Variants in IFT172 observed in about 807,000 individuals in gnomAD.
The protein encoded by IFT172 is intraflagellar transport protein 172 homolog.
A neutral mutation model predicts 248.9 loss-of-function variants in IFT172; 164 were observed. The observed-to-expected ratio is 0.66, with a 90% CI of 0.58 to 0.75. IFT172 has a LOEUF of 0.75. Among genes scored for constraint, IFT172 ranks in the 30% least tolerant of loss-of-function variants. The probability of loss-of-function intolerance (pLI) is 0.00; values close to 1 mark genes in which losing one functional copy is unlikely to be tolerated. For missense variants in IFT172, 1,950 were observed against 2,192.4 expected, an observed-to-expected ratio of 0.89 and a Z score of 2.21; for synonymous variants, 729 against 791.6, an observed-to-expected ratio of 0.92 and a Z score of 1.33.
chr2:27,450,029 G>A lies in IFT172; in HGVS notation c.4019C>T (p.Pro1340Leu), dbSNP rs1665517487. The A allele has an allele frequency of 1.2e-6, 2 of 1,614,048 alleles. No homozygotes were observed. The highest frequency in any genetic ancestry group is 1.7e-6 in the Non-Finnish European group (2 of 1,179,958). Residue 1340 changes from proline to leucine, a missense_variant, in exon 36 of 48, where the codon CCC (proline) becomes CTC (leucine). By Grantham distance (98) the Pro-to-Leu change is moderately conservative. This residue lies in a region of IFT172 where 620 missense variants were observed against 699.0 expected (regional missense o/e 0.89). Transcript: ENST00000260570. ...RNMEVVLAVGPQLIGIGKHSA... is the reference protein window; with the variant it reads ...RNMEVVLAVGLQLIGIGKHSA... ...GTGCTTTCCAATTCCAATCAGCTGG[G>A]GTCCTACAGCCAGAACGACTTCCAT...
At chr2:27,447,171 C>A (rs1483582209) in intron 42 of IFT172, among the ~76,000 whole-genome samples, 3 of 152,208 alleles carry the variant, frequency 2.0e-5, no homozygotes, top group African/African-American at 7.2e-5. Context: ...GTTCTTTCCA[C>A]TTCTAGAATT....
Position 27,479,562 on chromosome 2 carries a change from G to C in IFT172, c.952C>G (p.Arg318Gly), listed in dbSNP as rs751177541. The part of the protein sequence containing the change: ...GGVEQFDCCL[R>G]RSIYKNKFEL... ...AACTTGTTCTTGTAAATACTCCTTC[G>C]GAGGCAGCAGTCAAACTGTTCCACC... Residue 318 changes from arginine to glycine, a missense_variant, in exon 10 of 48, where the codon CGA becomes GGA. This residue lies in a region of IFT172 where 1,166 missense variants were observed against 1,254.1 expected (regional missense o/e 0.93). Coordinates refer to ENST00000260570, the MANE Select transcript of IFT172 (RefSeq NM_015662.3). 4 of 1,613,312 alleles carry C rather than the reference G, an allele frequency of 2.5e-6. No individual in the cohort carries two copies. The African/African-American group carries it at 5.3e-5, about 22-fold the overall frequency.
intron 42 of IFT172, among the ~76,000 whole-genome samples, chr2:27,446,920 C>T (rs1295589187): frequency 1.3e-5 from 2 of 151,790 alleles, no homozygotes; most frequent in Admixed American, 6.6e-5. Flanking sequence ...AGGATGGTCT[C>T]GATCTCCTGA....
rs999731005 is a variant in IFT172 at position 27,453,658 on chromosome 2, C to A, written c.3793G>T (p.Glu1265Ter). The A allele has an allele frequency of 6.2e-7, 1 of 1,612,384 alleles. No individual in the cohort carries two copies. Among genetic ancestry groups the A allele is most frequent in the Non-Finnish European group, 8.5e-7 (1 of 1,179,482 alleles). The change falls in exon 34 of 48, where the codon GAG becomes TAG. Residue 1265 changes from glutamate to a stop codon, truncating the protein, a stop_gained. Coordinates refer to ENST00000260570, the MANE Select transcript of IFT172 (RefSeq NM_015662.3). LOFTEE classifies it high-confidence loss of function. ...GCCCCCTTCTTAGTAGCTTCCCGCT[C>A]ATATTCTTCCTGCAGAGCCTCCAGC... Reference protein sequence around the residue: ...SQLEALQEEYEREATKKGARG... With the variant: ...SQLEALQEEY
chr2:27,487,670 T>C (rs1668864723), intron 1 of IFT172, among the ~76,000 whole-genome samples: 1 of 151,948 alleles, frequency 6.6e-6, no homozygotes, highest in South Asian at 2.1e-4. Flanking sequence ...CTTGACTCAC[T>C]GCAACTCTGC....
At chr2:27,470,264 G>A (rs974304459) in intron 16 of IFT172, among the ~76,000 whole-genome samples, 2 of 122,618 alleles carry the variant, frequency 1.6e-5, no homozygotes, top group Admixed American at 8.9e-5. Context: ...GAGAGAAAGA[G>A]AGAGAGAAAA....
Position 27,458,217 on chromosome 2 carries a change from T to C in IFT172, c.2884A>G (p.Met962Val), listed in dbSNP as rs541501287. The change falls in exon 27 of 48, where the codon ATG (methionine) becomes GTG (valine). Residue 962 changes from methionine to valine, a missense_variant. Coordinates refer to ENST00000260570, the MANE Select transcript of IFT172 (RefSeq NM_015662.3). ...GRWEQAHKLA[M>V]KCMRPEDVSV... Reference sequence around the variant, plus strand: ...ACATCTTCTGGTCTCATGCATTTCATCGCCAGCTGTGGAGGCACAGAGGCA... The same window carrying C: ...ACATCTTCTGGTCTCATGCATTTCACCGCCAGCTGTGGAGGCACAGAGGCA... 2.4e-5 allele frequency: 39 copies of C among 1,614,158 alleles called. 1 individual carries two copies. Among genetic ancestry groups the C allele is most frequent in the African/African-American group, 1.9e-4 (14 of 75,054 alleles).
At position 27,449,717 on chromosome 2, in the gene IFT172, C is replaced by T. The variant is rs1039315733; in HGVS notation, c.4134G>A (p.Lys1378=). The T allele has an allele frequency of 2.9e-5, 47 of 1,613,752 alleles. No individual in the cohort carries two copies. The highest frequency in any genetic ancestry group is 4.0e-5 in the Non-Finnish European group (47 of 1,179,828). ...TGGGATCTAACTCCTTAGCTACACG[C>T]TTCGCCTTGTTCCACTCCTCACCCT... is the stretch of plus-strand genomic sequence containing the variant. ...FIEGEEWNKA[K]RVAKELDPRY... The change falls in exon 37 of 48, where the codon AAG becomes AAA. Residue 1378 remains lysine, a synonymous_variant. Transcript: ENST00000260570.
rs760183362 is a variant in IFT172 at position 27,445,993 on chromosome 2, A to G, written c.4756-5T>C. The G allele has an allele frequency of 2.5e-6, 4 of 1,614,132 alleles. No homozygotes were observed. In the East Asian group the frequency reaches 6.7e-5, roughly 27 times the overall value. ...CATGTTATCCCAGCCAACTGCCTGC[A>G]GCAAAGAAGAGTTGCAAATGGGAGT... On this transcript the variant is annotated splice_region_variant and splice_polypyrimidine_tract_variant and intron_variant, in intron 43 of 47. Transcript: ENST00000260570. This position sits in a 1 kb window ranked among gnomAD's most constrained non-coding sequence, Gnocchi z 4.4.
At chr2:27,464,854 G>C (rs148532268) in intron 18 of IFT172, among the ~76,000 whole-genome samples, 2,080 of 151,960 alleles carry the variant, frequency 0.014, 25 homozygotes, top group South Asian at 0.023. Context: ...CTGGCTTCAA[G>C]TGATCTGCCC....
chr2:27,487,241 G>A (rs555275978), intron 1 of IFT172, among the ~76,000 whole-genome samples: 1 of 151,948 alleles, frequency 6.6e-6, no homozygotes, highest in African/African-American at 2.4e-5. Flanking sequence ...CACCACGCCC[G>A]GCCTGTGTTC....
intron 14 of IFT172, among the ~76,000 whole-genome samples, chr2:27,473,102 C>T (rs2148533301): frequency 6.6e-6 from 1 of 152,036 alleles, no homozygotes; most frequent in Non-Finnish European, 1.5e-5. Context: ...CATGGTGGCT[C>T]ATGCCTGTAA....
chr2:27,462,951 C>A, intron 19 of IFT172, 146 bp downstream of exon 19: 1 of 1,131,638 alleles, frequency 8.8e-7, no homozygotes, highest in Admixed American at 2.2e-5. Flanking sequence ...AAAAGCAATT[C>A]TGAAATGGTC....
intron 16 of IFT172, among the ~76,000 whole-genome samples, chr2:27,469,530 C>T (rs2148524761): frequency 6.6e-6 from 1 of 152,204 alleles, no homozygotes; most frequent in African/African-American, 2.4e-5. Context: ...CTAAATGAAT[C>T]CTGTCTTATA....
chr2:27,476,472 G>A (rs185317779), intron 14 of IFT172, among the ~76,000 whole-genome samples, 169 bp downstream of exon 14: 4 of 152,254 alleles, frequency 2.6e-5, no homozygotes, highest in African/African-American at 9.6e-5. Flanking sequence ...AGGTACAGAT[G>A]CACACATATT....
chr2:27,454,063 G>C lies in IFT172; in HGVS notation c.3630C>G (p.Ala1210=), dbSNP rs778722360. The part of the protein sequence containing the change: ...AEVLVGQARG[A]LEEKDFQKAE... ...CTTTCTGAAAGTCCTTCTCCTCCAAGGCCCCCCGGGCCTGTCCCACAAGCA... is the reference window on the plus strand; with the variant it reads ...CTTTCTGAAAGTCCTTCTCCTCCAACGCCCCCCGGGCCTGTCCCACAAGCA... Residue 1210 remains alanine (A), a synonymous_variant, in exon 33 of 48, where the codon GCC becomes GCG. Transcript: ENST00000260570. The surrounding 1 kb of genome is among the most constrained non-coding windows in gnomAD (Gnocchi z 4.2). 1.2e-6 allele frequency: 2 copies of C among 1,614,082 alleles called. No homozygotes were observed. The highest frequency in any genetic ancestry group is 2.2e-5 in the South Asian group (2 of 91,070).
chr2:27,462,826 G>T, intron 19 of IFT172, 33 bp from the exon 20 acceptor site: 2 of 1,596,914 alleles, frequency 1.3e-6, no homozygotes, highest in Non-Finnish European at 1.7e-6. Flanking sequence ...TGATTTTTCT[G>T]TAGGTGCTGC....
At chr2:27,477,528 A>C (rs1668049984) in intron 12 of IFT172, 31 bp downstream of exon 12, 1 of 1,517,744 alleles carries the variant, frequency 6.6e-7, no homozygotes, top group African/African-American at 1.4e-5. Context: ...AGGCTTATCA[A>C]GATGGTGATG....
intron 15 of IFT172, among the ~76,000 whole-genome samples, chr2:27,471,499 C>T (rs1186405956): frequency 7.2e-5 from 11 of 152,158 alleles, no homozygotes. Context: ...CTGGTGCTAC[C>T]ATATTGGGAT....
Sources: gnomAD v4.1 joint callset for allele counts (sites outside exome capture counted in the v4.1 genomes callset) on GRCh38, gnomAD v4.1.1 for gene constraint, gnomAD v4.1.1 regional missense constraint, Gnocchi (gnomAD v3.1) non-coding constraint, MANE v1.5 for transcripts, NCBI Gene and HGNC (gene_info 2026-07-23, HGNC 2026-07-21) for gene names.